The following SEMA5A variants were observed in gnomAD, a reference collection of about 807,000 sequenced individuals.
SEMA5A encodes semaphorin 5A, also known as semaphorin-5A.
Under a neutral mutation model 135.5 loss-of-function variants are expected in SEMA5A, and 55 were observed. The ratio of observed to expected loss-of-function variants is 0.41; its 90% CI spans 0.33 to 0.51. SEMA5A has a LOEUF of 0.51. SEMA5A is among the 20% of genes least tolerant of loss of function. The pLI, the probability that SEMA5A is intolerant of heterozygous loss-of-function variation, is 0.37. For missense variants in SEMA5A, 1,290 were observed against 1,419.9 expected (o/e 0.91, Z 1.47); for synonymous variants, 580 against 546.5 (o/e 1.06, Z -0.85).
chr5:9,053,965 C>T, intron 19 of SEMA5A, 122 bp downstream of exon 19: 1 of 1,114,634 alleles, frequency 9.0e-7, no homozygotes, highest in Non-Finnish European at 1.3e-6. Flanking sequence ...TAGCATGTTG[C>T]TAACTTGCCC....
chr5:9,287,745 G>A (rs1040600212), intron 5 of SEMA5A, among the ~76,000 whole-genome samples: 23 of 152,158 alleles, frequency 1.5e-4, no homozygotes, highest in African/African-American at 5.1e-4. Flanking sequence ...TGGCAGAGTT[G>A]ATGAGCCATA....
intron 5 of SEMA5A, among the ~76,000 whole-genome samples, chr5:9,300,087 C>T (rs1042094482): frequency 5.9e-5 from 9 of 152,150 alleles, no homozygotes; most frequent in Admixed American, 3.9e-4. Context: ...GGTGCACTGG[C>T]ACTATCATGG....
At chr5:9,160,189 G>T (rs1212043275) in intron 11 of SEMA5A, among the ~76,000 whole-genome samples, 2 of 152,116 alleles carry the variant, frequency 1.3e-5, no homozygotes, top group Non-Finnish European at 2.9e-5. Flanking sequence ...TTGTTAAGAA[G>T]AAATAAAGAA....
intron 5 of SEMA5A, among the ~76,000 whole-genome samples, chr5:9,256,828 C>A (rs1386979958): frequency 6.6e-6 from 1 of 152,214 alleles, no homozygotes; most frequent in Non-Finnish European, 1.5e-5. Flanking sequence ...AAGGCGAGAG[C>A]CTCATCACAT....
At chr5:9,393,302 T>G (rs1291674946) in intron 2 of SEMA5A, among the ~76,000 whole-genome samples, 1 of 152,242 alleles carries the variant, frequency 6.6e-6, no homozygotes, top group Non-Finnish European at 1.5e-5. Context: ...TCCTAAATAC[T>G]GAAGGGGTTA....
intron 16 of SEMA5A, among the ~76,000 whole-genome samples, chr5:9,107,094 G>A (rs1199559379): frequency 6.6e-6 from 1 of 152,124 alleles, no homozygotes; most frequent in Non-Finnish European, 1.5e-5. Context: ...ACAAACCAAA[G>A]GATAAAGATG....
chr5:9,119,716 T>C (rs1026566772), intron 14 of SEMA5A, among the ~76,000 whole-genome samples: 1 of 152,216 alleles, frequency 6.6e-6, no homozygotes, highest in Admixed American at 6.5e-5. Context: ...AAATGTTGTA[T>C]TGTTAGAATA....
intron 16 of SEMA5A, among the ~76,000 whole-genome samples, chr5:9,097,350 G>A (rs977640805): frequency 1.3e-5 from 2 of 152,198 alleles, no homozygotes; most frequent in South Asian, 2.1e-4. Context: ...TACAGAGTGT[G>A]AGCTCAGGTA....
chr5:9,136,089 T>C (rs1276822642), intron 13 of SEMA5A, among the ~76,000 whole-genome samples: 1 of 152,220 alleles, frequency 6.6e-6, no homozygotes, highest in East Asian at 1.9e-4. Context: ...TCCTTTAGTT[T>C]ATTCTTTTCT....
chr5:9,373,707 G>A (rs1755237867), intron 3 of SEMA5A, among the ~76,000 whole-genome samples: 1 of 152,186 alleles, frequency 6.6e-6, no homozygotes, highest in Admixed American at 6.5e-5. Context: ...AGGCATTAAT[G>A]CTAAATGCTG....
At chr5:9,262,896 TAA>T (rs200691633) in intron 5 of SEMA5A, among the ~76,000 whole-genome samples, 1,450 of 114,928 alleles carry the variant, frequency 0.013, 13 homozygotes, top group African/African-American at 0.033. Flanking sequence ...TAGATTATAA[TAA>T]AAAAAAAAAA....
intron 11 of SEMA5A, among the ~76,000 whole-genome samples, chr5:9,164,911 G>A (rs942262698): frequency 1.3e-5 from 2 of 152,090 alleles, no homozygotes; most frequent in East Asian, 1.9e-4. Flanking sequence ...GAGACAGGAG[G>A]GAAAGGAAAC....
At chr5:9,225,391 A>AT (rs2150418281) in intron 7 of SEMA5A, among the ~76,000 whole-genome samples, 3 of 39,144 alleles carry the variant, frequency 7.7e-5, no homozygotes, top group African/African-American at 3.7e-4. Flanking sequence ...ATCTCTACTA[A>AT]AAAAAAAAAA....
intron 5 of SEMA5A, among the ~76,000 whole-genome samples, chr5:9,257,164 G>A (rs1285589915): frequency 6.6e-6 from 1 of 152,214 alleles, no homozygotes; most frequent in Non-Finnish European, 1.5e-5. Flanking sequence ...GGCGGTGGGA[G>A]TTGCCACCTG....
Position 9,202,035 on chromosome 5 carries a change from G to C in SEMA5A, c.852C>G (p.Val284=). ...TCTGCAATTCGTTGTAGTAAAAGGG[G>C]ACTTCCCCAGGACGGGAGCAGTTCA... is the stretch of plus-strand genomic sequence containing the variant. The part of the protein sequence containing the change: ...ARLNCSRPGE[V]PFYYNELQST... The change falls in exon 9 of 23, where the codon GTC becomes GTG. Residue 284 remains valine (V), a synonymous_variant. Transcript: ENST00000382496. 6.2e-7 allele frequency: 1 copy of C among 1,614,178 alleles called. No homozygotes were observed. Among genetic ancestry groups the C allele is most frequent in the Non-Finnish European group, 8.5e-7 (1 of 1,180,014 alleles).
intron 2 of SEMA5A, among the ~76,000 whole-genome samples, chr5:9,434,323 C>A (rs1007237533): frequency 6.6e-6 from 1 of 152,260 alleles, no homozygotes; most frequent in South Asian, 2.1e-4. Flanking sequence ...TAAAAGACTA[C>A]ATTAAATGTC....
At chr5:9,424,779 C>G (rs1757586258) in intron 2 of SEMA5A, among the ~76,000 whole-genome samples, 1 of 152,160 alleles carries the variant, frequency 6.6e-6, no homozygotes, top group South Asian at 2.1e-4. Flanking sequence ...TCCATCAGAG[C>G]ACCACAGACT....
At position 9,195,379 on chromosome 5, in the gene SEMA5A, C is replaced by T. The variant is rs149557931; in HGVS notation, c.1068+1789G>A. Among the ~76,000 whole-genome samples the T allele has an allele frequency of 4.9e-3, 750 of 152,184 alleles. 4 individuals are homozygous for T. The highest frequency in any genetic ancestry group is 0.014 in the Middle Eastern group (4 of 294). ...TAGAGACAGGGTCTCACTCTGTTACCCAGGCTTGTCTCGAAATCCTGGCCT... is the reference window on the plus strand; with the variant it reads ...TAGAGACAGGGTCTCACTCTGTTACTCAGGCTTGTCTCGAAATCCTGGCCT... On this transcript the variant is annotated intron_variant, in intron 10 of 22. Coordinates refer to ENST00000382496, the MANE Select transcript of SEMA5A (RefSeq NM_003966.3).
intron 8 of SEMA5A, among the ~76,000 whole-genome samples, chr5:9,202,844 G>A (rs1806078): frequency 6.6e-6 from 1 of 152,282 alleles, no homozygotes; most frequent in Non-Finnish European, 1.5e-5. Context: ...GGTGACCATG[G>A]AATAGTGAAA....
Sources: allele counts gnomAD v4.1 joint callset (sites outside exome capture counted in the v4.1 genomes callset), GRCh38; gene constraint gnomAD v4.1.1; transcripts MANE v1.5; gene names NCBI Gene and HGNC (gene_info 2026-07-23, HGNC 2026-07-21).